CDK17: variants seen among roughly 807,000 people sequenced by gnomAD.
The protein encoded by CDK17 is cyclin-dependent kinase 17.
CDK17 carries 24 observed loss-of-function variants against 77.6 expected under a neutral mutation model. The observed-to-expected ratio is 0.31, with a 90% CI of 0.22 to 0.44. The LOEUF is 0.44. Ranked by LOEUF, CDK17 falls within the 20% of genes least tolerant of loss-of-function variation. CDK17 has a pLI of 1.00. For synonymous variants in CDK17, 203 were observed against 210.4 expected (o/e 0.96, Z 0.30); for missense variants, 429 against 622.5 (o/e 0.69, Z 3.31).
chr12:96,388,368 A>C (rs1425931387), intron 1 of CDK17, among the ~76,000 whole-genome samples: 1 of 152,166 alleles, frequency 6.6e-6, no homozygotes, highest in Non-Finnish European at 1.5e-5. Context: ...TAGACTATTT[A>C]GTCTACTGGT....
At chr12:96,376,326 A>G (rs752050987) in intron 1 of CDK17, among the ~76,000 whole-genome samples, 3 of 152,228 alleles carry the variant, frequency 2.0e-5, no homozygotes, top group African/African-American at 4.8e-5. Context: ...TCAAACTATT[A>G]TATCATGATC....
chr12:96,338,395 G>A (rs1410622618), intron 1 of CDK17, among the ~76,000 whole-genome samples: 1 of 152,130 alleles, frequency 6.6e-6, no homozygotes, highest in African/African-American at 2.4e-5. Context: ...AGTTCTATGA[G>A]TCCTTCGAGC....
At chr12:96,287,225 T>A (rs1163766347) in intron 11 of CDK17, among the ~76,000 whole-genome samples, 1 of 152,038 alleles carries the variant, frequency 6.6e-6, no homozygotes, top group Non-Finnish European at 1.5e-5. Context: ...AAACAAATGA[T>A]TCAAGACGTT....
At chr12:96,299,105 A>C in intron 6 of CDK17, 122 bp from the exon 7 acceptor site, 1 of 562,044 alleles carries the variant, frequency 1.8e-6, no homozygotes, top group South Asian at 2.6e-5. Flanking sequence ...TCCATCTTGC[A>C]AAGAAAAACA....
intron 1 of CDK17, among the ~76,000 whole-genome samples, chr12:96,364,720 T>A (rs1298792749): frequency 6.6e-6 from 1 of 152,208 alleles, no homozygotes; most frequent in Non-Finnish European, 1.5e-5. Context: ...ATAGGCTTGC[T>A]CTTTACTTGA....
At chr12:96,351,910 G>A (rs1356887469) in intron 1 of CDK17, among the ~76,000 whole-genome samples, 2 of 152,122 alleles carry the variant, frequency 1.3e-5, no homozygotes, top group African/African-American at 4.8e-5. Context: ...GTTGCTCCCA[G>A]CTTAACAGTA....
chr12:96,307,485 C>T (rs1592717391), intron 5 of CDK17, among the ~76,000 whole-genome samples: 1 of 152,218 alleles, frequency 6.6e-6, no homozygotes, highest in South Asian at 2.1e-4. Context: ...ACAAATACAA[C>T]CTCAAAATTT....
chr12:96,381,766 C>T (rs549295504), intron 1 of CDK17, among the ~76,000 whole-genome samples: 95 of 151,188 alleles, frequency 6.3e-4, no homozygotes, highest in African/African-American at 2.3e-3. Context: ...AACAACTTAT[C>T]TAGTTTTTTT....
At chr12:96,365,962 A>ATTCCTCC (rs1468410851) in intron 1 of CDK17, among the ~76,000 whole-genome samples, 1 of 152,254 alleles carries the variant, frequency 6.6e-6, no homozygotes, top group African/African-American at 2.4e-5. Context: ...ACCTATAAGC[A>ATTCCTCC]TTCCTCCTTC....
intron 16 of CDK17, chr12:96,280,554 G>T: frequency 7.1e-7 from 1 of 1,412,282 alleles, no homozygotes; most frequent in Non-Finnish European, 9.2e-7. Flanking sequence ...CAGGTCACTT[G>T]TAAAAGGTCT....
chr12:96,324,484 T>C (rs1952866880), intron 2 of CDK17, among the ~76,000 whole-genome samples: 1 of 152,092 alleles, frequency 6.6e-6, no homozygotes, highest in African/African-American at 2.4e-5. Context: ...TTAAGCATGC[T>C]TGGCTGGGTG....
At chr12:96,299,024 AAG>A in intron 6 of CDK17, 41 bp from the exon 7 acceptor site, 1 of 992,396 alleles carries the variant, frequency 1.0e-6, no homozygotes, top group Admixed American at 2.0e-5. Context: ...AAAGTATCAT[AAG>A]AGTCTATTTA....
At chr12:96,301,068 G>A (rs1284891290) in intron 5 of CDK17, among the ~76,000 whole-genome samples, 3 of 151,954 alleles carry the variant, frequency 2.0e-5, no homozygotes. Context: ...TCACCAATCT[G>A]AATTCCCAAG....
intron 1 of CDK17, among the ~76,000 whole-genome samples, chr12:96,344,816 A>T: frequency 6.6e-6 from 1 of 152,092 alleles, no homozygotes; most frequent in Non-Finnish European, 1.5e-5. Context: ...TGTTTTTTTA[A>T]TTATTTTATT....
intron 1 of CDK17, among the ~76,000 whole-genome samples, chr12:96,389,130 A>T (rs61939091): frequency 6.9e-6 from 1 of 144,468 alleles, no homozygotes; most frequent in African/African-American, 2.6e-5. Context: ...ATGCTCAACT[A>T]ATTTTTTTTT....
At chr12:96,327,283 GA>G (rs1189824439) in intron 2 of CDK17, among the ~76,000 whole-genome samples, 2 of 152,094 alleles carry the variant, frequency 1.3e-5, no homozygotes, top group African/African-American at 4.8e-5. Flanking sequence ...AATTTTTTAA[GA>G]TATCATCTTG....
At position 96,358,578 on chromosome 12, in the gene CDK17, T is replaced by C. The variant is rs1953442795; in HGVS notation, c.-29-23713A>G. On this transcript the variant is annotated intron_variant, in intron 1 of 16. Coordinates refer to ENST00000261211, the MANE Select transcript of CDK17 (RefSeq NM_002595.5). ...GGCTCACATCTGTAATCTCAGCACT[T>C]TGGAAGGCTGAGGCAGGTGGATCAC... Among the ~76,000 whole-genome samples, 3 of 152,014 alleles carry C rather than the reference T, an allele frequency of 2.0e-5. No homozygotes were observed. The South Asian group carries it at 6.2e-4, about 32-fold the overall frequency.
intron 1 of CDK17, among the ~76,000 whole-genome samples, chr12:96,340,478 G>A (rs1354426463): frequency 6.6e-6 from 1 of 151,914 alleles, no homozygotes; most frequent in African/African-American, 2.4e-5. Flanking sequence ...TTTTAATTAA[G>A]TTACAATGAT....
intron 1 of CDK17, among the ~76,000 whole-genome samples, chr12:96,358,474 A>G (rs1953440565): frequency 1.3e-5 from 2 of 151,696 alleles, no homozygotes; most frequent in African/African-American, 2.4e-5. Context: ...ATGTATACAT[A>G]TATTTATTTA....
Sources: allele counts gnomAD v4.1 joint callset (sites outside exome capture counted in the v4.1 genomes callset), GRCh38; gene constraint gnomAD v4.1.1; transcripts MANE v1.5; gene names NCBI Gene and HGNC (gene_info 2026-07-23, HGNC 2026-07-21).